CADM2: variants seen among roughly 807,000 people sequenced by gnomAD.
CADM2 encodes cell adhesion molecule 2, also known as immunoglobulin superfamily member 4D.
A neutral mutation model predicts 49.8 loss-of-function variants in CADM2; 12 were observed. The ratio of observed to expected loss-of-function variants is 0.24; its 90% CI spans 0.15 to 0.39. The LOEUF (loss-of-function observed/expected upper bound fraction) is 0.39. Among genes scored for constraint, CADM2 ranks in the 10% least tolerant of loss-of-function variants. The pLI is 1.00. For synonymous variants in CADM2, 214 were observed against 175.4 expected (o/e 1.22, Z -1.74); for missense variants, 378 against 492.3 (o/e 0.77, Z 2.20).
chr3:85,422,605 G>A (rs1037563222), intron 1 of CADM2, among the ~76,000 whole-genome samples: 32 of 151,952 alleles, frequency 2.1e-4, no homozygotes, highest in African/African-American at 7.3e-4. Flanking sequence ...CCATATTATA[G>A]CTTCATTTAA....
intron 1 of CADM2, among the ~76,000 whole-genome samples, chr3:85,019,261 T>C (rs761919285): frequency 6.6e-6 from 1 of 152,080 alleles, no homozygotes; most frequent in Non-Finnish European, 1.5e-5. Context: ...AGGAAGAGGA[T>C]TGCTTGAGCC....
intron 1 of CADM2, among the ~76,000 whole-genome samples, chr3:85,563,463 A>G (rs1160423841): frequency 1.3e-5 from 2 of 151,766 alleles, no homozygotes; most frequent in Non-Finnish European, 2.9e-5. Context: ...CAATATTAAA[A>G]ATATGTGATC....
chr3:85,280,347 T>A (rs943904369), intron 1 of CADM2, among the ~76,000 whole-genome samples: 1 of 151,680 alleles, frequency 6.6e-6, no homozygotes, highest in Non-Finnish European at 1.5e-5. Flanking sequence ...CTTAACTTTT[T>A]TTTTTCTCAT....
rs192899705 is a variant in CADM2, at chr3:85,500,685, T to G, written c.62-225837T>G. 1.3e-3 allele frequency among the ~76,000 whole-genome samples: 197 copies of G among 152,036 alleles called. 1 individual carries two copies. The highest frequency in any genetic ancestry group is 0.01 in the Middle Eastern group (3 of 294). On this transcript the variant is annotated intron_variant, in intron 1 of 9. Transcript: ENST00000383699. ...GGTGCCCGCTACTATGCCTGGCTGA[T>G]TTTTTGTATTTTTAGTGGAGATGAG...
intron 1 of CADM2, among the ~76,000 whole-genome samples, chr3:85,620,685 C>T (rs2107487257): frequency 6.6e-6 from 1 of 152,100 alleles, no homozygotes; most frequent in South Asian, 2.1e-4. Context: ...ATGTGCAATC[C>T]TTAAAACATC....
chr3:85,185,340 A>AT (rs1359463711), intron 1 of CADM2, among the ~76,000 whole-genome samples: 22 of 152,098 alleles, frequency 1.4e-4, no homozygotes, highest in Non-Finnish European at 4.4e-5. Flanking sequence ...GAAAAAAAAA[A>AT]ATGATGGTCC....
At chr3:85,743,223 T>G (rs1241657229) in intron 2 of CADM2, among the ~76,000 whole-genome samples, 4 of 152,152 alleles carry the variant, frequency 2.6e-5, no homozygotes, top group Non-Finnish European at 5.9e-5. Context: ...TTTCTTGACT[T>G]AAGAATTAAT....
chr3:85,836,360 A>G (rs967453037), intron 3 of CADM2, among the ~76,000 whole-genome samples: 11 of 151,680 alleles, frequency 7.3e-5, no homozygotes, highest in South Asian at 6.2e-4. Context: ...CTGTGGTCAC[A>G]TATGGCTTCA....
At chr3:85,320,425 G>A (rs556930387) in intron 1 of CADM2, among the ~76,000 whole-genome samples, 3 of 152,204 alleles carry the variant, frequency 2.0e-5, no homozygotes, top group Admixed American at 2.0e-4. Context: ...TAGATTTCGG[G>A]TAGTTTTCAC....
chr3:85,817,492 T>G (rs1385504365), intron 3 of CADM2, among the ~76,000 whole-genome samples: 1 of 152,168 alleles, frequency 6.6e-6, no homozygotes, highest in Non-Finnish European at 1.5e-5. Flanking sequence ...AAATATTGTC[T>G]GGGTATTGAT....
intron 1 of CADM2, among the ~76,000 whole-genome samples, chr3:85,687,343 T>C (rs1468913306): frequency 1.3e-5 from 2 of 152,178 alleles, no homozygotes; most frequent in African/African-American, 4.8e-5. Context: ...GTTGCTTTTG[T>C]TAATATGAAT....
intron 7 of CADM2, among the ~76,000 whole-genome samples, chr3:85,941,196 A>G (rs1484490771): frequency 6.6e-6 from 1 of 152,132 alleles, no homozygotes; most frequent in Non-Finnish European, 1.5e-5. Flanking sequence ...GTGATAAATT[A>G]TTACTTGATC....
intron 2 of CADM2, among the ~76,000 whole-genome samples, chr3:85,760,793 G>T (rs1314273250): frequency 2.6e-5 from 4 of 151,954 alleles, no homozygotes; most frequent in Non-Finnish European, 4.4e-5. Flanking sequence ...TTATATATTT[G>T]TATACATTTC....
chr3:85,243,419 G>A (rs537590756), intron 1 of CADM2, among the ~76,000 whole-genome samples: 1 of 151,932 alleles, frequency 6.6e-6, no homozygotes, highest in African/African-American at 2.4e-5. Context: ...TATCACTTAG[G>A]TATGTGCCCA....
At chr3:85,592,706 T>TTTATTA (rs71653755) in intron 1 of CADM2, among the ~76,000 whole-genome samples, 5 of 151,388 alleles carry the variant, frequency 3.3e-5, no homozygotes, top group Non-Finnish European at 5.9e-5. Flanking sequence ...GTTCTGGATT[T>TTTATTA]TTATTATTAT....
chr3:85,034,617 G>C (rs2035129599), intron 1 of CADM2, among the ~76,000 whole-genome samples: 1 of 151,936 alleles, frequency 6.6e-6, no homozygotes, highest in Admixed American at 6.6e-5. Flanking sequence ...CTACCAGTGG[G>C]ACTGCTGGAT....
intron 2 of CADM2, among the ~76,000 whole-genome samples, chr3:85,777,172 A>T (rs1237296391): frequency 1.3e-5 from 2 of 151,814 alleles, no homozygotes; most frequent in Non-Finnish European, 2.9e-5. Flanking sequence ...TCATAAATAA[A>T]TTTTTTATGA....
chr3:85,980,426 A>T (rs1458284335), intron 8 of CADM2, among the ~76,000 whole-genome samples: 1 of 151,458 alleles, frequency 6.6e-6, no homozygotes, highest in Non-Finnish European at 1.5e-5. Context: ...ATAATTTTCC[A>T]TTTTTTAATA....
chr3:86,051,769 T>TTTA (rs1737368447), intron 8 of CADM2, among the ~76,000 whole-genome samples: 1 of 152,046 alleles, frequency 6.6e-6, no homozygotes, highest in Non-Finnish European at 1.5e-5. Flanking sequence ...TGCTACACAC[T>TTTA]TTGAAACAAT....
Sources: allele counts gnomAD v4.1 joint callset (sites outside exome capture counted in the v4.1 genomes callset), GRCh38; gene constraint gnomAD v4.1.1; transcripts MANE v1.5; gene names NCBI Gene and HGNC (gene_info 2026-07-23, HGNC 2026-07-21).